The following PSD3 variants were observed in gnomAD, a reference collection of about 807,000 sequenced individuals.
PSD3 encodes the protein pleckstrin and Sec7 domain containing 3.
In PSD3, 49 loss-of-function variants were observed where a neutral mutation model predicts 105.5. The ratio of observed to expected loss-of-function variants is 0.46; its 90% CI spans 0.37 to 0.59. The LOEUF (loss-of-function observed/expected upper bound fraction) is 0.59, where lower values mean the gene tolerates loss of function less well. Among genes scored for constraint, PSD3 ranks in the 20% least tolerant of loss-of-function variants. The pLI, the probability that PSD3 is intolerant of heterozygous loss-of-function variation, is 0.00. For synonymous variants in PSD3, 557 were observed against 457.8 expected (o/e 1.22, Z -2.77); for missense variants, 1,561 against 1,263.8 (o/e 1.24, Z -3.57).
At chr8:18,797,232 A>G (rs1223078800) in intron 8 of PSD3, among the ~76,000 whole-genome samples, 2 of 152,172 alleles carry the variant, frequency 1.3e-5, no homozygotes, top group African/African-American at 4.8e-5. Flanking sequence ...AGTATATCGC[A>G]CACATTTTTA....
intron 1 of PSD3, among the ~76,000 whole-genome samples, chr8:19,003,775 T>C (rs927638941): frequency 6.6e-6 from 1 of 152,060 alleles, no homozygotes; most frequent in South Asian, 2.1e-4. Context: ...TGGGTTGTCT[T>C]GGATCAAGAC....
At chr8:19,070,505 A>C (rs1829218441) in intron 1 of PSD3, among the ~76,000 whole-genome samples, 1 of 152,030 alleles carries the variant, frequency 6.6e-6, no homozygotes, top group Non-Finnish European at 1.5e-5. Context: ...GTGAAACGCT[A>C]TCTCTACTAA....
chr8:18,698,211 G>C (rs1801371229), intron 9 of PSD3, among the ~76,000 whole-genome samples: 1 of 152,086 alleles, frequency 6.6e-6, no homozygotes, highest in African/African-American at 2.4e-5. Context: ...TGAGCCTCCT[G>C]CTTCAATCTT....
intron 1 of PSD3, among the ~76,000 whole-genome samples, chr8:19,022,840 A>G (rs1208873180): frequency 7.0e-6 from 1 of 142,130 alleles, no homozygotes; most frequent in African/African-American, 2.6e-5. Flanking sequence ...GGGATCCAAG[A>G]TTGTAGAACA....
At chr8:18,956,203 G>C (rs933504708) in intron 1 of PSD3, among the ~76,000 whole-genome samples, 12 of 152,318 alleles carry the variant, frequency 7.9e-5, no homozygotes, top group African/African-American at 2.6e-4. Context: ...TAGAAAATGA[G>C]AGCTAGGCCC....
intron 1 of PSD3, among the ~76,000 whole-genome samples, chr8:18,962,830 CTT>C (rs1264315383): frequency 6.6e-6 from 1 of 152,230 alleles, no homozygotes; most frequent in Non-Finnish European, 1.5e-5. Flanking sequence ...TCTAGGTTCT[CTT>C]GTCACTCCTA....
chr8:18,874,576 G>A (rs1034079706), intron 2 of PSD3, among the ~76,000 whole-genome samples: 4 of 151,528 alleles, frequency 2.6e-5, no homozygotes, highest in African/African-American at 9.7e-5. Flanking sequence ...ACTTGATTCT[G>A]CCTGTAATCC....
chr8:18,539,856 T>C lies in PSD3; in HGVS notation c.2929-3898A>G, dbSNP rs150032684. On this transcript the variant is annotated intron_variant, in intron 15 of 15. Transcript: ENST00000327040. ...GCACCACACTCGGCCAGTAAATTACTTTTTAAAGGTTTGACACACCAGCTC... is the reference window on the plus strand; with the variant it reads ...GCACCACACTCGGCCAGTAAATTACCTTTTAAAGGTTTGACACACCAGCTC... 2.5e-3 allele frequency among the ~76,000 whole-genome samples: 380 copies of C among 152,242 alleles called. 4 individuals carry two copies. Among genetic ancestry groups the C allele is most frequent in the African/African-American group, 8.5e-3 (352 of 41,536 alleles).
At chr8:18,834,974 A>G (rs1813986750) in intron 4 of PSD3, among the ~76,000 whole-genome samples, 1 of 152,246 alleles carries the variant, frequency 6.6e-6, no homozygotes, top group African/African-American at 2.4e-5. Context: ...ACATGTGGAA[A>G]TAAAGCTCAT....
chr8:18,729,296 A>C (rs976075805), intron 9 of PSD3, among the ~76,000 whole-genome samples: 1 of 152,236 alleles, frequency 6.6e-6, no homozygotes, highest in Admixed American at 6.5e-5. Flanking sequence ...TGAGCTAAGG[A>C]AACAGCTCTA....
chr8:18,884,002 C>T (rs1169191656), intron 2 of PSD3, among the ~76,000 whole-genome samples: 2 of 152,086 alleles, frequency 1.3e-5, no homozygotes, highest in African/African-American at 2.4e-5. Flanking sequence ...AATTAGTAAG[C>T]TATTTTAACA....
chr8:18,676,766 T>TA (rs1178748607), intron 9 of PSD3, among the ~76,000 whole-genome samples: 15 of 152,134 alleles, frequency 9.9e-5, no homozygotes, highest in African/African-American at 2.7e-4. Context: ...CTTTGCCTAA[T>TA]AAAAAAACAC....
At chr8:18,867,347 T>C (rs1210880983) in intron 4 of PSD3, among the ~76,000 whole-genome samples, 4 of 152,166 alleles carry the variant, frequency 2.6e-5, no homozygotes, top group African/African-American at 4.8e-5. Context: ...CTACGATCTC[T>C]CAGTGTTCGT....
intron 9 of PSD3, among the ~76,000 whole-genome samples, chr8:18,760,196 T>A (rs978801879): frequency 1.3e-5 from 2 of 152,130 alleles, no homozygotes; most frequent in Non-Finnish European, 2.9e-5. Context: ...TGAGTACACA[T>A]ACATACTGTA....
intron 2 of PSD3, among the ~76,000 whole-genome samples, chr8:18,880,032 T>C (rs1818012187): frequency 6.6e-6 from 1 of 152,146 alleles, no homozygotes; most frequent in African/African-American, 2.4e-5. Flanking sequence ...ACAGCAAGAA[T>C]TTCCTTTCAA....
chr8:18,965,763 C>T (rs925675627), intron 1 of PSD3, among the ~76,000 whole-genome samples: 2 of 152,146 alleles, frequency 1.3e-5, no homozygotes, highest in African/African-American at 2.4e-5. Context: ...GATTTTGACA[C>T]GTGGATATTT....
intron 12 of PSD3, among the ~76,000 whole-genome samples, chr8:18,576,901 T>G (rs1313579539): frequency 6.6e-6 from 1 of 151,954 alleles, no homozygotes; most frequent in Non-Finnish European, 1.5e-5. Context: ...TTTTTTTTTT[T>G]TATATTCTAG....
At chr8:18,970,694 C>T (rs1171444027) in intron 1 of PSD3, among the ~76,000 whole-genome samples, 1 of 152,026 alleles carries the variant, frequency 6.6e-6, no homozygotes, top group Admixed American at 6.6e-5. Context: ...GTGGTTCGTG[C>T]CTATAATCCC....
intron 11 of PSD3, among the ~76,000 whole-genome samples, chr8:18,630,157 C>T (rs961235700): frequency 2.0e-5 from 3 of 151,480 alleles, no homozygotes; most frequent in Middle Eastern, 3.2e-3. Flanking sequence ...GAGGCAGGTT[C>T]CTTTGGAAAG....
Sources: gnomAD v4.1 joint callset for allele counts (sites outside exome capture counted in the v4.1 genomes callset) on GRCh38, gnomAD v4.1.1 for gene constraint, MANE v1.5 for transcripts, NCBI Gene and HGNC (gene_info 2026-07-23, HGNC 2026-07-21) for gene names.